The following TCHH variants were observed in gnomAD, a reference collection of about 807,000 sequenced individuals.
TCHH encodes trichohyalin.
A neutral mutation model predicts 6.3 loss-of-function variants in TCHH; 6 were observed. The observed-to-expected ratio is 0.95, with a 90% confidence interval of 0.52 to 1.88. The LOEUF is 1.88. Ranked by LOEUF, TCHH falls within the 40% of genes most tolerant of loss-of-function variation. The pLI is 0.01. For missense variants in TCHH, 2,920 were observed against 2,449.1 expected (o/e 1.19, Z -4.06); for synonymous variants, 1,087 against 963.6 (o/e 1.13, Z -2.37).
At position 152,108,215 on chromosome 1, in the gene TCHH, T is replaced by G. The variant is rs764530129; in HGVS notation, c.5002A>C (p.Lys1668Gln). 2 of 1,606,704 alleles carry G rather than the reference T, an allele frequency of 1.2e-6. No individual in the cohort carries two copies. The highest frequency in any genetic ancestry group is 1.7e-6 in the Non-Finnish European group (2 of 1,177,642). Residue 1668 changes from lysine (K) to glutamine (Q), a missense_variant, in exon 3 of 3, where the codon AAA becomes CAA. By Grantham distance (53) the Lys-to-Gln change is moderately conservative. Transcript: ENST00000614923. The stretch of plus-strand genomic sequence containing the variant: ...AGCAGCTGTTCCTCTTCACGGAATT[T>G]TCTGTCGCGGTCGTGACGCAGCTGT... ...EQQLRHDRDR[K>Q]FREEEQLLQE...
chr1:152,109,822 C>T lies in TCHH; in HGVS notation c.3395G>A (p.Arg1132Lys), dbSNP rs1658260907. ...QLLREEREKRRRQELERQYRE... is the reference protein window; with the variant it reads ...QLLREEREKRKRQELERQYRE... ...ATATTGCCTCTCCAGCTCCTGGCGC[C>T]TTCTCTTCTCCCGTTCCTCTCTCAG... The change falls in exon 3 of 3, where the codon AGG becomes AAG. Residue 1132 changes from arginine (R) to lysine (K), a missense_variant. Physicochemically the swap from Arg to Lys is conservative, Grantham distance 26. Transcript: ENST00000614923. 3 of 1,609,562 alleles carry T rather than the reference C, an allele frequency of 1.9e-6. No individual in the cohort carries two copies. The highest frequency in any genetic ancestry group is 2.5e-6 in the Non-Finnish European group (3 of 1,178,384).
At position 152,107,509 on chromosome 1, in the gene TCHH, G is replaced by A; in HGVS notation, c.5708C>T (p.Ser1903Phe). The A allele has an allele frequency of 6.2e-7, 1 of 1,614,222 alleles. No homozygotes were observed. The highest frequency in any genetic ancestry group is 1.3e-5 in the African/African-American group (1 of 75,060). Residue 1903 changes from serine (S) to phenylalanine (F), a missense_variant, in exon 3 of 3, where the codon TCC becomes TTC. Coordinates refer to ENST00000614923, the MANE Select transcript of TCHH (RefSeq NM_007113.4). ...CCGCCCATGGCCCTTCCCTTCTTGG[G>A]ATTTTATCTCCCCGACTTGGCGGTG... ...QRHRQVGEIK[S>F]QEGKGHGRLL...
chr1:152,107,921 G>C lies in TCHH; in HGVS notation c.5296C>G (p.Arg1766Gly). 1 of 1,614,006 alleles carries C rather than the reference G, an allele frequency of 6.2e-7. No individual in the cohort carries two copies. Among genetic ancestry groups the C allele is most frequent in the Non-Finnish European group, 8.5e-7 (1 of 1,179,988 alleles). The change falls in exon 3 of 3, where the codon CGC (arginine) becomes GGC (glycine). Residue 1766 changes from arginine (R) to glycine (G), a missense_variant. Arg to Gly is a moderately radical substitution (Grantham distance 125, BLOSUM62 -2). Transcript: ENST00000614923. Reference sequence around the variant, plus strand: ...CGGAATTTTCTGTCGCGCTCCTGGCGGCGCAGCTGCTGTTCTTCCCTTTCC... The same window carrying C: ...CGGAATTTTCTGTCGCGCTCCTGGCCGCGCAGCTGCTGTTCTTCCCTTTCC... ...RPEREEQQLR[R>G]QERDRKFREE...
In TCHH at chr1:152,106,649, G is replaced by C. The variant is rs1438628140; in HGVS notation, c.*736C>G. 1 of 152,084 alleles carries C rather than the reference G, an allele frequency of 6.6e-6. No individual in the cohort carries two copies. The allele number at this position is 152,084 out of a possible 1,614,324, so 9.4% of individuals were successfully genotyped here. ...AACACTATAGACTACAACAGACACA[G>C]TTTTAAAATTTGAACTCTGAAGTTG... On this transcript the variant is annotated 3_prime_UTR_variant, in exon 3 of 3. Coordinates refer to ENST00000614923, the MANE Select transcript of TCHH (RefSeq NM_007113.4).
In TCHH at chr1:152,108,842, G is replaced by C; in HGVS notation, c.4375C>G (p.Arg1459Gly). 1 of 1,596,528 alleles carries C rather than the reference G, an allele frequency of 6.3e-7. No homozygotes were observed. Among genetic ancestry groups the C allele is most frequent in the Non-Finnish European group, 8.5e-7 (1 of 1,173,418 alleles). The change falls in exon 3 of 3, where the codon CGT becomes GGT. Residue 1459 changes from arginine to glycine, a missense_variant. Coordinates refer to ENST00000614923, the MANE Select transcript of TCHH (RefSeq NM_007113.4). ...LEEEQQLRQE[R>G]HRKFREEEQL... ...TCCTCTTCGCGGAATTTTCTGTGAC[G>C]CTCCTGGCGCAGCTGCTGTTCCTCC...
In TCHH at chr1:152,108,568, C is replaced by G. The variant is rs779215399; in HGVS notation, c.4649G>C (p.Arg1550Pro). The G allele has an allele frequency of 1.4e-5, 22 of 1,608,182 alleles. No individual in the cohort carries two copies. The highest frequency in any genetic ancestry group is 1.8e-5 in the Non-Finnish European group (21 of 1,178,766). The change falls in exon 3 of 3, where the codon CGT becomes CCT. Residue 1550 changes from arginine (R) to proline (P), a missense_variant. Physicochemically the swap from Arg to Pro is moderately radical, Grantham distance 103. Coordinates refer to ENST00000614923, the MANE Select transcript of TCHH (RefSeq NM_007113.4). Reference sequence around the variant, plus strand: ...GCGGAATTTTCTGTCACGGTCCTGACGCCGCTGTTGCCCGCGCTCCTGGCG... The same window carrying G: ...GCGGAATTTTCTGTCACGGTCCTGAGGCCGCTGTTGCCCGCGCTCCTGGCG... Reference protein sequence around the residue: ...LRRQERGQQRRQDRDRKFREE... With the variant: ...LRRQERGQQRPQDRDRKFREE...
rs1223649532 is a variant in TCHH, at chr1:152,111,245, G to T, written c.1972C>A (p.Arg658=). The T allele has an allele frequency of 6.2e-7, 1 of 1,603,276 alleles. No individual in the cohort carries two copies. Among genetic ancestry groups the T allele is most frequent in the African/African-American group, 1.4e-5 (1 of 73,446 alleles). ...TCTTCCTCCTCCTCGCGCTTCAGCCGCTGCTCGCGCCTTTCCTGCTGCTCG... is the reference window on the plus strand; with the variant it reads ...TCTTCCTCCTCCTCGCGCTTCAGCCTCTGCTCGCGCCTTTCCTGCTGCTCG... ...RREQQERREQ[R]LKREEEEERL... is the part of the protein sequence containing the mutation. Residue 658 remains arginine, a synonymous_variant, in exon 3 of 3, where the codon CGG becomes AGG. Coordinates refer to ENST00000614923, the MANE Select transcript of TCHH (RefSeq NM_007113.4).
Position 152,111,715 on chromosome 1 carries a change from T to C in TCHH, c.1502A>G (p.Glu501Gly). ...LEEEERREQQERREQQLRREQ... is the reference protein window; with the variant it reads ...LEEEERREQQGRREQQLRREQ... The stretch of plus-strand genomic sequence containing the variant: ...CCGCCTTAGTTGCTGCTCGCGCCTC[T>C]CCTGCTGCTCGCGCCTCTCCTCCTC... Residue 501 changes from glutamate (E) to glycine (G), a missense_variant, in exon 3 of 3, where the codon GAG (glutamate) becomes GGG (glycine). By Grantham distance (98) the Glu-to-Gly change is moderately conservative. Coordinates refer to ENST00000614923, the MANE Select transcript of TCHH (RefSeq NM_007113.4). The C allele has an allele frequency of 1.4e-6, 2 of 1,473,228 alleles. No individual in the cohort carries two copies. Among genetic ancestry groups the C allele is most frequent in the Non-Finnish European group, 1.8e-6 (2 of 1,093,940 alleles). 91.3% of individuals were successfully genotyped at this position (1,473,228 alleles called of 1,614,324 possible).
Position 152,108,197 on chromosome 1 carries a change from G to C in TCHH, c.5020C>G (p.Gln1674Glu), listed in dbSNP as rs936368396. The change falls in exon 3 of 3, where the codon CAG becomes GAG. Residue 1674 changes from glutamine to glutamate, a missense_variant. Physicochemically the swap from Gln to Glu is conservative, Grantham distance 29. Coordinates refer to ENST00000614923, the MANE Select transcript of TCHH (RefSeq NM_007113.4). ...TGTTCCTCCCCTTCCTGGAGCAGCTGTTCCTCTTCACGGAATTTTCTGTCG... is the reference window on the plus strand; with the variant it reads ...TGTTCCTCCCCTTCCTGGAGCAGCTCTTCCTCTTCACGGAATTTTCTGTCG... ...DRDRKFREEE[Q>E]LLQEGEEQQL... The C allele has an allele frequency of 6.2e-7, 1 of 1,611,290 alleles. No homozygotes were observed. Among genetic ancestry groups the C allele is most frequent in the Non-Finnish European group, 8.5e-7 (1 of 1,179,386 alleles).
Position 152,113,087 on chromosome 1 carries a change from A to T in TCHH, c.139-9T>A, listed in dbSNP as rs1658431958. The T allele has an allele frequency of 6.4e-7, 1 of 1,566,896 alleles. No individual in the cohort carries two copies. Among genetic ancestry groups the T allele is most frequent in the African/African-American group, 1.4e-5 (1 of 72,690 alleles). On this transcript the variant is annotated splice_polypyrimidine_tract_variant and intron_variant, in intron 2 of 2. Transcript: ENST00000614923. Reference sequence around the variant, plus strand: ...TTAGGGTCATGTGGTCTCTATAAAAATGGTGAAAACAAAAATTTTACAATG... The same window carrying T: ...TTAGGGTCATGTGGTCTCTATAAAATTGGTGAAAACAAAAATTTTACAATG...
At position 152,110,232 on chromosome 1, in the gene TCHH, C is replaced by T; in HGVS notation, c.2985G>A (p.Glu995=). Residue 995 remains glutamate, a synonymous_variant, in exon 3 of 3, where the codon GAG becomes GAA. Coordinates refer to ENST00000614923, the MANE Select transcript of TCHH (RefSeq NM_007113.4). ...GCAGCTGCTCTTCCTCCTGCTGCAA[C>T]TCCTCTTCCTCGCGGTATTTTTTCT... is the stretch of plus-strand genomic sequence containing the variant. ...EREKKYREEE[E]LQQEEEQLLR... 1.2e-6 allele frequency: 2 copies of T among 1,609,388 alleles called. No individual in the cohort carries two copies. The highest frequency in any genetic ancestry group is 1.1e-5 in the South Asian group (1 of 90,436).
In TCHH at chr1:152,108,004, T is replaced by C. The variant is rs749993777; in HGVS notation, c.5213A>G (p.Glu1738Gly). ...EEQLRQETEQ[E>G]QLRRQERYRK... ...GTAGCGTTCTTGGCGGCGCAGCTGC[T>C]CTTGCTCCGTTTCTTGGCGCAGCTG... The change falls in exon 3 of 3, where the codon GAG becomes GGG. Residue 1738 changes from glutamate (E) to glycine (G), a missense_variant. Coordinates refer to ENST00000614923, the MANE Select transcript of TCHH (RefSeq NM_007113.4). 8 of 1,613,534 alleles carry C rather than the reference T, an allele frequency of 5.0e-6. No individual in the cohort carries two copies. Among genetic ancestry groups the C allele is most frequent in the Non-Finnish European group, 5.9e-6 (7 of 1,179,920 alleles).
In TCHH at chr1:152,110,850, T is replaced by TG; in HGVS notation, c.2366dup (p.Leu790IlefsTer175). ...GCTGCCTCTCCCGCTGCTCCCGCAA[T>TG]GGGGGCCTGGCCGACAGCCTCTGAC... On this transcript the variant is annotated frameshift_variant, in exon 3 of 3. Coordinates refer to ENST00000614923, the MANE Select transcript of TCHH (RefSeq NM_007113.4). LOFTEE classifies it low-confidence loss of function (END_TRUNC). 6.2e-7 allele frequency: 1 copy of TG among 1,609,232 alleles called. No homozygotes were observed. Among genetic ancestry groups the TG allele is most frequent in the Non-Finnish European group, 8.5e-7 (1 of 1,179,560 alleles).
intron 1 of TCHH, among the ~76,000 whole-genome samples, chr1:152,114,647 T>C (rs1404229340): frequency 2.0e-5 from 3 of 152,234 alleles, no homozygotes; most frequent in South Asian, 2.1e-4. Context: ...GGAACTCTTA[T>C]AGAATATAAT....
Position 152,110,772 on chromosome 1 carries a change from C to A in TCHH, c.2445G>T (p.Glu815Asp), listed in dbSNP as rs1261015551. The A allele has an allele frequency of 1.2e-6, 2 of 1,607,788 alleles. No individual in the cohort carries two copies. Among genetic ancestry groups the A allele is most frequent in the South Asian group, 1.1e-5 (1 of 91,068 alleles). ...QREQRFLPEE[E>D]EKEQRRRQRR... is the part of the protein sequence containing the mutation. ...GCTGGCGGCGCCGCTGCTCCTTCTCCTCCTCCTCCGGGAGAAACCGTTGTT... is the reference window on the plus strand; with the variant it reads ...GCTGGCGGCGCCGCTGCTCCTTCTCATCCTCCTCCGGGAGAAACCGTTGTT... Residue 815 changes from glutamate (E) to aspartate (D), a missense_variant, in exon 3 of 3, where the codon GAG becomes GAT. Coordinates refer to ENST00000614923, the MANE Select transcript of TCHH (RefSeq NM_007113.4).
At position 152,110,645 on chromosome 1, in the gene TCHH, C is replaced by G. The variant is rs774302643; in HGVS notation, c.2572G>C (p.Glu858Gln). The change falls in exon 3 of 3, where the codon GAG becomes CAG. Residue 858 changes from glutamate to glutamine, a missense_variant. Transcript: ENST00000614923. ...TGGCTTCGCCTCCTCTCCTGATCCT[C>G]CTGGAGGCCGTCCTCCTCCTCCTGG... Reference protein sequence around the residue: ...QLQEEEDGLQEDQERRRSQEQ... With the variant: ...QLQEEEDGLQQDQERRRSQEQ... 17 of 1,613,622 alleles carry G rather than the reference C, an allele frequency of 1.1e-5. No homozygotes were observed. The African/African-American group carries it at 1.3e-4, about 13-fold the overall frequency.
At position 152,110,986 on chromosome 1, in the gene TCHH, C is replaced by T. The variant is rs767599458; in HGVS notation, c.2231G>A (p.Ser744Asn). The T allele has an allele frequency of 2.5e-6, 4 of 1,613,232 alleles. No individual in the cohort carries two copies. The South Asian group carries it at 3.3e-5, about 13-fold the overall frequency. Residue 744 changes from serine (S) to asparagine (N), a missense_variant, in exon 3 of 3, where the codon AGT becomes AAT. By Grantham distance (46) the Ser-to-Asn change is conservative. Coordinates refer to ENST00000614923, the MANE Select transcript of TCHH (RefSeq NM_007113.4). ...EQEEKRRRRE[S>N]ELQWQEEERA... The stretch of plus-strand genomic sequence containing the variant: ...TTCCTCCTCCTGCCATTGCAGCTCA[C>T]TCTCCCGGCGCCGCCTCTTTTCCTC...
chr1:152,112,520 G>A lies in TCHH; in HGVS notation c.697C>T (p.Arg233Trp), dbSNP rs750772199. 6 of 1,613,116 alleles carry A rather than the reference G, an allele frequency of 3.7e-6. No individual in the cohort carries two copies. The highest frequency in any genetic ancestry group is 5.1e-6 in the Non-Finnish European group (6 of 1,179,974). The stretch of plus-strand genomic sequence containing the variant: ...TCCTCCTGGAACACTCTGTCTTGCC[G>A]CTCTCGCCTTTGCTGCTGTTTCTCC... ...REEKQQQRRERQDRVFQEEEE... is the reference protein window; with the variant it reads ...REEKQQQRREWQDRVFQEEEE... Residue 233 changes from arginine (R) to tryptophan (W), a missense_variant, in exon 3 of 3, where the codon CGG becomes TGG. Arg to Trp is a moderately radical substitution (Grantham distance 101). Coordinates refer to ENST00000614923, the MANE Select transcript of TCHH (RefSeq NM_007113.4).
chr1:152,108,840 A>C lies in TCHH; in HGVS notation c.4377T>G (p.Arg1459=). ...GTTCCTCTTCGCGGAATTTTCTGTG[A>C]CGCTCCTGGCGCAGCTGCTGTTCCT... ...LEEEQQLRQE[R]HRKFREEEQL... Residue 1459 remains arginine (R), a synonymous_variant, in exon 3 of 3, where the codon CGT becomes CGG. Coordinates refer to ENST00000614923, the MANE Select transcript of TCHH (RefSeq NM_007113.4). 6.6e-7 allele frequency: 1 copy of C among 1,525,014 alleles called. No homozygotes were observed. Among genetic ancestry groups the C allele is most frequent in the Non-Finnish European group, 8.8e-7 (1 of 1,139,364 alleles). The allele number at this position is 1,525,014 out of a possible 1,614,324, so 94.5% of individuals were successfully genotyped here. A position where few individuals can be genotyped will look rare whatever the true frequency, so the allele number is the denominator to read the frequency against.
Sources: gnomAD v4.1 joint callset for allele counts (sites outside exome capture counted in the v4.1 genomes callset) on GRCh38, gnomAD v4.1.1 for gene constraint, MANE v1.5 for transcripts, NCBI Gene and HGNC (gene_info 2026-07-23, HGNC 2026-07-21) for gene names.